Variants in YAE1 observed in about 807,000 individuals in gnomAD.
YAE1 encodes YAE1 maturation factor of ABCE1.
Under a neutral mutation model 23.0 loss-of-function variants are expected in YAE1, and 22 were observed. The ratio of observed to expected loss-of-function variants is 0.96; its 90% CI spans 0.68 to 1.37. The LOEUF is 1.37. YAE1 is among the 40% of genes most tolerant of loss of function. The pLI is 0.00. For synonymous variants in YAE1, 101 were observed against 97.0 expected (o/e 1.04, Z -0.24); for missense variants, 260 against 262.1 (o/e 0.99, Z 0.06).
intron 2 of YAE1, among the ~76,000 whole-genome samples, chr7:39,586,614 C>T (rs1189137845): frequency 6.6e-6 from 1 of 151,646 alleles, no homozygotes; most frequent in Non-Finnish European, 1.5e-5. Context: ...TCTCCTGCCT[C>T]AGCCTCCCAA....
exon 3 of YAE1, chr7:39,610,086 G>C: frequency 7.2e-7 from 1 of 1,379,928 alleles, no homozygotes. Context: ...GGTGAAGATG[G>C]ACCAGCCCAC....
intron 2 of YAE1, among the ~76,000 whole-genome samples, chr7:39,590,950 G>C (rs1370857925): frequency 2.0e-5 from 3 of 152,186 alleles, no homozygotes; most frequent in African/African-American, 7.2e-5. Context: ...ACTGCAGACT[G>C]GGTGGCTGGG....
chr7:39,568,107 G>A (rs1308704550), intron 1 of YAE1, among the ~76,000 whole-genome samples: 5 of 151,970 alleles, frequency 3.3e-5, no homozygotes, highest in Admixed American at 1.3e-4. Context: ...GTATAGTGGC[G>A]TGCACCTATA....
At chr7:39,577,222 A>G (rs1483511027), downstream of YAE1, among the ~76,000 whole-genome samples, 2 of 152,212 alleles carry the variant, frequency 1.3e-5, no homozygotes, top group Non-Finnish European at 1.5e-5. Context: ...AAAAATGTTT[A>G]TCTTCATTTT....
downstream of YAE1, among the ~76,000 whole-genome samples, chr7:39,577,602 C>T (rs150063924): frequency 6.4e-4 from 97 of 152,328 alleles, no homozygotes; most frequent in Admixed American, 1.7e-3. Flanking sequence ...GCCGGCACTG[C>T]GCTCAAATTC....
At chr7:39,591,769 C>G (rs1302983816) in intron 2 of YAE1, among the ~76,000 whole-genome samples, 1 of 152,162 alleles carries the variant, frequency 6.6e-6, no homozygotes, top group Non-Finnish European at 1.5e-5. Context: ...TGACATGTAT[C>G]TACCATTATA....
chr7:39,588,240 G>A (rs1790848594), intron 2 of YAE1, among the ~76,000 whole-genome samples: 1 of 152,196 alleles, frequency 6.6e-6, no homozygotes, highest in African/African-American at 2.4e-5. Flanking sequence ...GGCCGGACGT[G>A]GTGGCTCACG....
downstream of YAE1, chr7:39,572,973 A>G (rs971212319): frequency 1.1e-5 from 10 of 884,382 alleles, no homozygotes; most frequent in Non-Finnish European, 1.4e-5. Flanking sequence ...GTCAAAATGA[A>G]GTGTTTTCAG....
intron 2 of YAE1, among the ~76,000 whole-genome samples, chr7:39,594,372 C>T (rs1790946924): frequency 6.6e-6 from 1 of 152,168 alleles, no homozygotes; most frequent in South Asian, 2.1e-4. Context: ...GTATTAGCTA[C>T]CCGGTGCAAG....
intron 1 of YAE1, among the ~76,000 whole-genome samples, chr7:39,568,437 A>G (rs1045121762): frequency 6.6e-5 from 10 of 152,136 alleles, no homozygotes; most frequent in African/African-American, 1.2e-4. Flanking sequence ...TTCAAAATGT[A>G]AAATACCAGG....
chr7:39,588,969 T>G (rs1790861881), intron 2 of YAE1, among the ~76,000 whole-genome samples: 1 of 152,012 alleles, frequency 6.6e-6, no homozygotes, highest in African/African-American at 2.4e-5. Flanking sequence ...ATTACAGGCA[T>G]GCATTACCAC....
intron 2 of YAE1, among the ~76,000 whole-genome samples, chr7:39,606,871 G>A (rs764713287): frequency 3.3e-5 from 5 of 152,076 alleles, no homozygotes; most frequent in Non-Finnish European, 7.4e-5. Context: ...ATACTTTCTC[G>A]TTTCAGGGTG....
chr7:39,572,936 A>G (rs1258409779), downstream of YAE1: 7 of 1,072,784 alleles, frequency 6.5e-6, no homozygotes, highest in Admixed American at 4.4e-5. Context: ...AGAAATTTCT[A>G]CTGTCATTGA....
At chr7:39,572,941 C>CA, downstream of YAE1, 1 of 1,057,442 alleles carries the variant, frequency 9.5e-7, no homozygotes. Flanking sequence ...TTTCTACTGT[C>CA]ATTGACATTT....
chr7:39,591,978 G>A (rs1436467117), intron 2 of YAE1, among the ~76,000 whole-genome samples: 2 of 152,230 alleles, frequency 1.3e-5, no homozygotes, highest in East Asian at 3.9e-4. Context: ...TTGGCAATAT[G>A]CATTTAAGTT....
exon 3 of YAE1, chr7:39,609,767 G>T: frequency 6.5e-7 from 1 of 1,534,198 alleles, no homozygotes; most frequent in South Asian, 1.2e-5. Flanking sequence ...AGGCGACGCT[G>T]CTGAGCCTGG....
intron 2 of YAE1, among the ~76,000 whole-genome samples, chr7:39,599,550 T>A (rs754334734): frequency 7.4e-4 from 112 of 152,132 alleles, no homozygotes; most frequent in Non-Finnish European, 1.4e-3. Context: ...AGTTTTTGTA[T>A]TTTTAGTAGA....
chr7:39,580,480 G>A (rs1238866678), intron 2 of YAE1, among the ~76,000 whole-genome samples: 1 of 152,204 alleles, frequency 6.6e-6, no homozygotes, highest in Non-Finnish European at 1.5e-5. Flanking sequence ...ATTGAGTTCT[G>A]CGGAAGTTGA....
chr7:39,610,742 A>G (rs185759894), downstream of YAE1, among the ~76,000 whole-genome samples: 30 of 152,366 alleles, frequency 2.0e-4, no homozygotes, highest in Non-Finnish European at 1.5e-5. Flanking sequence ...TATGGTCTAC[A>G]GAAGATACTT....
Sources: gnomAD v4.1 joint callset for allele counts (sites outside exome capture counted in the v4.1 genomes callset) on GRCh38, gnomAD v4.1.1 for gene constraint, MANE v1.5 for transcripts, NCBI Gene and HGNC (gene_info 2026-07-23, HGNC 2026-07-21) for gene names.